Variants in TIAM1 observed in about 807,000 individuals in gnomAD.
TIAM1 encodes the protein TIAM Rac1 associated GEF 1.
Under a neutral mutation model 163.5 loss-of-function variants are expected in TIAM1, and 65 were observed. The observed-to-expected ratio is 0.40, with a 90% CI of 0.33 to 0.49. The LOEUF (loss-of-function observed/expected upper bound fraction) is 0.49. Among genes scored for constraint, TIAM1 ranks in the 20% least tolerant of loss-of-function variants. The pLI is 0.77. For synonymous variants in TIAM1, 833 were observed against 810.1 expected (o/e 1.03, Z -0.48); for missense variants, 1,789 against 2,044.7 (o/e 0.87, Z 2.41).
At chr21:31,289,446 T>C (rs937532516) in intron 2 of TIAM1, among the ~76,000 whole-genome samples, 2 of 152,198 alleles carry the variant, frequency 1.3e-5, no homozygotes, top group Admixed American at 1.3e-4. Flanking sequence ...GTAACCACCA[T>C]GAGATTTTTC....
At chr21:31,253,996 T>G (rs1230793360) in intron 4 of TIAM1, among the ~76,000 whole-genome samples, 1 of 152,204 alleles carries the variant, frequency 6.6e-6, no homozygotes, top group African/African-American at 2.4e-5. Context: ...TCTGTGAATT[T>G]TCCAAACTTT....
chr21:31,458,090 C>T (rs2045176024), intron 2 of TIAM1, among the ~76,000 whole-genome samples: 1 of 152,166 alleles, frequency 6.6e-6, no homozygotes, highest in African/African-American at 2.4e-5. Flanking sequence ...GTATTACAAC[C>T]CTCCACACTG....
At chr21:31,500,820 A>C (rs982598529) in intron 1 of TIAM1, among the ~76,000 whole-genome samples, 13 of 152,110 alleles carry the variant, frequency 8.5e-5, no homozygotes, top group Non-Finnish European at 1.6e-4. Flanking sequence ...CGACATCTTG[A>C]TTTTGGACTT....
chr21:31,464,769 G>A (rs905647301), intron 1 of TIAM1, among the ~76,000 whole-genome samples: 1 of 151,436 alleles, frequency 6.6e-6, no homozygotes, highest in East Asian at 1.9e-4. Context: ...CTTGAACTCG[G>A]GAGGCGGAGA....
Position 31,266,913 on chromosome 21 carries a change from G to A in TIAM1, c.60C>T (p.Ser20=), listed in dbSNP as rs1056870429. 5.6e-6 allele frequency: 9 copies of A among 1,611,930 alleles called. No individual in the cohort carries two copies. The highest frequency in any genetic ancestry group is 3.4e-6 in the Non-Finnish European group (4 of 1,178,502). Residue 20 remains serine (S), a synonymous_variant, in exon 4 of 28, where the codon AGC becomes AGT. Coordinates refer to ENST00000541036, the MANE Select transcript of TIAM1 (RefSeq NM_001353694.2). ...AGCGGGAAGTGTGCTTGCGCCCCAG[G>A]CTGGCATGCTTTTCTCCATAAAACT... The part of the protein sequence containing the change: ...EHEFYGEKHA[S]LGRKHTSRSL...
At chr21:31,337,586 C>T (rs918890085) in intron 2 of TIAM1, among the ~76,000 whole-genome samples, 8 of 150,524 alleles carry the variant, frequency 5.3e-5, no homozygotes, top group Non-Finnish European at 1.0e-4. Context: ...GGCTGGAGTG[C>T]GGTAGTGTGA....
chr21:31,246,293 G>C (rs1267231378), intron 5 of TIAM1, among the ~76,000 whole-genome samples: 1 of 151,842 alleles, frequency 6.6e-6, no homozygotes, highest in African/African-American at 2.4e-5. Context: ...CACATACAAA[G>C]GCCTGGGAGA....
At chr21:31,235,806 C>T (rs939393143) in intron 6 of TIAM1, among the ~76,000 whole-genome samples, 26 of 152,204 alleles carry the variant, frequency 1.7e-4, no homozygotes, top group African/African-American at 4.8e-4. Flanking sequence ...AGATCTAGCT[C>T]AACCACAATT....
intron 1 of TIAM1, among the ~76,000 whole-genome samples, chr21:31,485,850 T>C (rs1281355882): frequency 6.6e-6 from 1 of 152,146 alleles, no homozygotes; most frequent in Non-Finnish European, 1.5e-5. Context: ...CTAACATTCC[T>C]ACTTTGCAGA....
At chr21:31,190,505 C>A (rs2085505964) in intron 13 of TIAM1, among the ~76,000 whole-genome samples, 1 of 152,088 alleles carries the variant, frequency 6.6e-6, no homozygotes, top group African/African-American at 2.4e-5. Flanking sequence ...GAGAATTACT[C>A]AAAACTAGAG....
chr21:31,272,160 C>T (rs138116775), intron 3 of TIAM1, among the ~76,000 whole-genome samples: 137 of 152,066 alleles, frequency 9.0e-4, no homozygotes, highest in African/African-American at 2.8e-3. Context: ...TGACACAAAG[C>T]GTATTTTAAG....
intron 14 of TIAM1, among the ~76,000 whole-genome samples, chr21:31,184,426 AT>A (rs1568987003): frequency 6.6e-6 from 1 of 152,148 alleles, no homozygotes; most frequent in African/African-American, 2.4e-5. Context: ...TAAATTTAAC[AT>A]AAAATACCCC....
At position 31,210,685 on chromosome 21, in the gene TIAM1, A is replaced by AGGGAG. The variant is rs1555891116; in HGVS notation, c.2218-471_2218-470insCTCCC. On this transcript the variant is annotated intron_variant, in intron 10 of 27. Coordinates refer to ENST00000541036, the MANE Select transcript of TIAM1 (RefSeq NM_001353694.2). ...AGAAAGAAAAAGAAAGAAAGAAAGA[A>AGGGAG]AAAGAAAGAAAGAAAGAAAGAGAAA... 4.7e-4 allele frequency among the ~76,000 whole-genome samples: 20 copies of AGGGAG among 42,638 alleles called. 2 individuals carry two copies. The highest frequency in any genetic ancestry group is 2.9e-3 in the African/African-American group (20 of 6,854). The allele number at this position is 42,638 out of a possible 152,430, so 28.0% of individuals were successfully genotyped here.
rs112964118 is a variant in TIAM1, at chr21:31,519,391, C to T, written c.-422+39536G>A. ...AGGCGTTGTGGCCCATGTTTGTCAT[C>T]CCAGCTACTCAGGAGGTTGAGGCAT... On this transcript the variant is annotated intron_variant, in intron 1 of 28. Coordinates refer to the TIAM1 transcript ENST00000286827. Among the ~76,000 whole-genome samples, 297 of 150,244 alleles carry T rather than the reference C, an allele frequency of 2.0e-3. 2 individuals carry two copies. Among genetic ancestry groups the T allele is most frequent in the Non-Finnish European group, 3.3e-3 (222 of 67,688 alleles).
chr21:31,523,147 A>G (rs1181789198), intron 1 of TIAM1, among the ~76,000 whole-genome samples: 1 of 152,240 alleles, frequency 6.6e-6, no homozygotes, highest in Non-Finnish European at 1.5e-5. Flanking sequence ...GAGGTAAATC[A>G]AACAAAACAT....
intron 1 of TIAM1, among the ~76,000 whole-genome samples, chr21:31,512,617 C>CTTTTTTTTTTT (rs35338359): frequency 4.9e-5 from 6 of 121,762 alleles, no homozygotes; most frequent in Admixed American, 8.6e-5. Context: ...TTTTTCTTTT[C>CTTTTTTTTTTT]TTTTTTTTTT....
At chr21:31,327,779 G>C (rs1228551066) in intron 2 of TIAM1, among the ~76,000 whole-genome samples, 4 of 151,836 alleles carry the variant, frequency 2.6e-5, no homozygotes, top group African/African-American at 9.7e-5. Flanking sequence ...TGAGCAATAA[G>C]AAAGTCTAAT....
chr21:31,362,543 T>C (rs1173436390), intron 2 of TIAM1, among the ~76,000 whole-genome samples: 1 of 151,850 alleles, frequency 6.6e-6, no homozygotes, highest in South Asian at 2.1e-4. Flanking sequence ...CTTGGCTCAC[T>C]GCAACATCTA....
chr21:31,535,817 G>A (rs2048114589), intron 1 of TIAM1, among the ~76,000 whole-genome samples: 1 of 152,102 alleles, frequency 6.6e-6, no homozygotes, highest in African/African-American at 2.4e-5. Flanking sequence ...GTGACACTTG[G>A]GACATCACTC....
Sources: gnomAD v4.1 joint callset for allele counts (sites outside exome capture counted in the v4.1 genomes callset) on GRCh38, gnomAD v4.1.1 for gene constraint, MANE v1.5 for transcripts, NCBI Gene and HGNC (gene_info 2026-07-23, HGNC 2026-07-21) for gene names.